The following TF variants were observed in gnomAD, a reference collection of about 807,000 sequenced individuals.
TF encodes the protein serotransferrin.
TF carries 55 observed loss-of-function variants against 82.4 expected under a neutral mutation model. The observed-to-expected ratio is 0.67, with a 90% CI of 0.54 to 0.84. TF has a LOEUF of 0.84. Among genes scored for constraint, TF ranks in the 40% least tolerant of loss-of-function variants. The pLI, the probability that TF is intolerant of heterozygous loss-of-function variation, is 0.00. For missense variants in TF, 737 were observed against 868.4 expected (o/e 0.85, Z 1.90); for synonymous variants, 332 against 332.6 (o/e 1.00, Z 0.02).
chr3:133,747,498 G>C (rs1933535604), intron 1 of TF, among the ~76,000 whole-genome samples: 1 of 152,250 alleles, frequency 6.6e-6, no homozygotes, highest in Admixed American at 6.5e-5. Flanking sequence ...ATCTTCTTCA[G>C]AGCCAGTGAG....
the TF span, among the ~76,000 whole-genome samples, chr3:133,710,747 C>A: frequency 6.6e-6 from 1 of 152,318 alleles, no homozygotes; most frequent in East Asian, 1.9e-4. Context: ...CCAACAATTT[C>A]TCTCAACATG....
At position 133,774,864 on chromosome 3, in the gene TF, T is replaced by G. The variant is rs565621901; in HGVS notation, c.1688-569T>G. ...CTGAAACCCTAAGAATGGGTGAGTT[T>G]TTTTTTTTTTTCAGAGACAATACAG... On this transcript the variant is annotated intron_variant, in intron 14 of 16. Coordinates refer to ENST00000402696, the MANE Select transcript of TF (RefSeq NM_001063.4). The G allele has an allele frequency of 4.3e-3, 1,212 of 280,140 alleles. 16 individuals are homozygous for G. Among genetic ancestry groups the G allele is most frequent in the African/African-American group, 0.026 (1,147 of 43,906 alleles). 17.4% of individuals were successfully genotyped at this position (280,140 alleles called of 1,614,324 possible).
rs1559870833 is a variant in TF at position 133,756,249 on chromosome 3, CAGG to C, written c.636-30_636-28del. On this transcript the variant is annotated intron_variant, in intron 5 of 16. Coordinates refer to ENST00000402696, the MANE Select transcript of TF (RefSeq NM_001063.4). ...AGGTGCAGGAGAAGGGCCTGCCCTG[CAGG>C]AGCCCTGCTGATGTGTTTCTTTGAC... The C allele has an allele frequency of 1.9e-6, 3 of 1,611,362 alleles. No individual in the cohort carries two copies. The South Asian group carries it at 3.3e-5, about 18-fold the overall frequency.
At chr3:133,740,910 G>GTT in the TF span, among the ~76,000 whole-genome samples, 14 of 54,186 alleles carry the variant, frequency 2.6e-4, no homozygotes, top group East Asian at 1.2e-3. Flanking sequence ...CATTTTTCAT[G>GTT]TTTTTTTTTT....
intron 1 of TF, among the ~76,000 whole-genome samples, chr3:133,747,595 C>G (rs2107906539): frequency 6.6e-6 from 1 of 152,314 alleles, no homozygotes; most frequent in East Asian, 1.9e-4. Flanking sequence ...GGGATGCTGT[C>G]TCTGCAACCA....
the TF span, among the ~76,000 whole-genome samples, chr3:133,727,004 T>G: frequency 6.6e-6 from 1 of 152,166 alleles, no homozygotes; most frequent in Admixed American, 6.5e-5. Context: ...CTAGTTTGAT[T>G]GCGCTGTGGT....
the TF span, among the ~76,000 whole-genome samples, chr3:133,737,419 A>G: frequency 1.3e-5 from 2 of 152,194 alleles, no homozygotes; most frequent in Non-Finnish European, 2.9e-5. Context: ...GAGAAGCAAC[A>G]GCAAACACAT....
chr3:133,778,653 G>A lies in TF; in HGVS notation c.*33G>A. 6.2e-7 allele frequency: 1 copy of A among 1,612,292 alleles called. No individual in the cohort carries two copies. The highest frequency in any genetic ancestry group is 8.5e-7 in the Non-Finnish European group (1 of 1,178,916). On this transcript the variant is annotated 3_prime_UTR_variant, in exon 17 of 17. Transcript: ENST00000402696. ...GAGGTAGGGCTGCCACCAAGGTGAA[G>A]ATGGGAACGCAGATGATCCATGAGT...
At chr3:133,743,667 G>C (rs886565519), upstream of TF, among the ~76,000 whole-genome samples, 1 of 152,188 alleles carries the variant, frequency 6.6e-6, no homozygotes, top group Non-Finnish European at 1.5e-5. Flanking sequence ...TAAGTGCTCA[G>C]TGAAGCTCCC....
chr3:133,694,939 G>GA, the TF span, among the ~76,000 whole-genome samples: 2 of 151,228 alleles, frequency 1.3e-5, no homozygotes, highest in Admixed American at 6.6e-5. Flanking sequence ...TTTCTAAGAG[G>GA]AAAATGAGGA....
chr3:133,778,642 A>G lies in TF; in HGVS notation c.*22A>G, dbSNP rs750224721. On this transcript the variant is annotated 3_prime_UTR_variant, in exon 17 of 17. Transcript: ENST00000402696. ...TTAAAATCTCAGAGGTAGGGCTGCC[A>G]CCAAGGTGAAGATGGGAACGCAGAT... is the stretch of plus-strand genomic sequence containing the variant. 1.9e-6 allele frequency: 3 copies of G among 1,612,972 alleles called. No individual in the cohort carries two copies. The highest frequency in any genetic ancestry group is 1.3e-5 in the African/African-American group (1 of 74,900).
chr3:133,703,438 T>C, the TF span, among the ~76,000 whole-genome samples: 5 of 152,222 alleles, frequency 3.3e-5, no homozygotes, highest in African/African-American at 1.2e-4. Context: ...TCTTAGCCGC[T>C]GTTGATTGGA....
the TF span, among the ~76,000 whole-genome samples, chr3:133,725,822 A>G: frequency 1.3e-5 from 2 of 152,090 alleles, no homozygotes; most frequent in African/African-American, 2.4e-5. Context: ...TTATTTTGAG[A>G]TACGTCCCAT....
chr3:133,688,825 T>A, the TF span, among the ~76,000 whole-genome samples: 2 of 152,060 alleles, frequency 1.3e-5, no homozygotes, highest in Non-Finnish European at 2.9e-5. Flanking sequence ...GAAAATACAG[T>A]AGAATCAAGA....
chr3:133,729,718 G>C, the TF span, among the ~76,000 whole-genome samples: 1 of 152,270 alleles, frequency 6.6e-6, no homozygotes, highest in South Asian at 2.1e-4. Flanking sequence ...TGGTACCTCA[G>C]ATGGAAATGC....
the TF span, among the ~76,000 whole-genome samples, chr3:133,725,094 C>T: frequency 6.6e-6 from 1 of 152,186 alleles, no homozygotes; most frequent in Admixed American, 6.5e-5. Context: ...TAGCGTGATG[C>T]CTCCAGCTTT....
chr3:133,692,348 C>G, the TF span, among the ~76,000 whole-genome samples: 1 of 152,314 alleles, frequency 6.6e-6, no homozygotes, highest in South Asian at 2.1e-4. Flanking sequence ...TTGCAGGGCC[C>G]TGGCATATTC....
chr3:133,746,901 G>C (rs1023776274), intron 1 of TF, among the ~76,000 whole-genome samples: 1 of 152,184 alleles, frequency 6.6e-6, no homozygotes, highest in Non-Finnish European at 1.5e-5. Context: ...CCAAGGAAGC[G>C]GTGCCATCGA....
At chr3:133,746,653 T>C (rs1933509668) in intron 1 of TF, among the ~76,000 whole-genome samples, 170 bp downstream of exon 1, 1 of 152,236 alleles carries the variant, frequency 6.6e-6, no homozygotes, top group South Asian at 2.1e-4. Flanking sequence ...TGCTTGGGCT[T>C]CTAGACACCT....
Sources: allele counts gnomAD v4.1 joint callset (sites outside exome capture counted in the v4.1 genomes callset), GRCh38; gene constraint gnomAD v4.1.1; transcripts MANE v1.5; gene names NCBI Gene and HGNC (gene_info 2026-07-23, HGNC 2026-07-21).